The following SHANK2 variants were observed in gnomAD, a reference collection of about 807,000 sequenced individuals.
SHANK2 encodes SH3 and multiple ankyrin repeat domains 2.
SHANK2 carries 43 observed loss-of-function variants against 133.7 expected under a neutral mutation model. The ratio of observed to expected loss-of-function variants is 0.32; its 90% CI spans 0.25 to 0.41. SHANK2 has a LOEUF of 0.41. SHANK2 is among the 10% of genes least tolerant of loss of function. The pLI is 1.00. For synonymous variants in SHANK2, 1,017 were observed against 952.8 expected (o/e 1.07, Z -1.24); for missense variants, 1,994 against 2,235.8 (o/e 0.89, Z 2.18).
intron 3 of SHANK2, among the ~76,000 whole-genome samples, chr11:71,121,798 A>G (rs1555101524): frequency 6.6e-6 from 1 of 152,240 alleles, no homozygotes; most frequent in Non-Finnish European, 1.5e-5. Flanking sequence ...CAAATTTATA[A>G]GAAAAAATCA....
At chr11:71,132,247 C>G (rs1952326383) in intron 3 of SHANK2, among the ~76,000 whole-genome samples, 3 of 152,108 alleles carry the variant, frequency 2.0e-5, no homozygotes, top group Non-Finnish European at 4.4e-5. Flanking sequence ...AACCTCAGAG[C>G]AAAGATGCTG....
chr11:70,859,152 G>C (rs1369883891), intron 11 of SHANK2, among the ~76,000 whole-genome samples: 1 of 152,188 alleles, frequency 6.6e-6, no homozygotes, highest in Non-Finnish European at 1.5e-5. Context: ...TGGATGGACA[G>C]AATGAATGTA....
intron 2 of SHANK2, among the ~76,000 whole-genome samples, chr11:71,193,742 C>G (rs1953841299): frequency 6.6e-6 from 1 of 152,182 alleles, no homozygotes; most frequent in African/African-American, 2.4e-5. Context: ...TCCCACGCCC[C>G]CGGAGGCCAG....
chr11:70,765,139 C>T (rs575306392), intron 14 of SHANK2, among the ~76,000 whole-genome samples: 2 of 152,292 alleles, frequency 1.3e-5, no homozygotes, highest in East Asian at 3.9e-4. Flanking sequence ...GCCTTCCATC[C>T]ATTTCCTGTT....
intron 14 of SHANK2, among the ~76,000 whole-genome samples, chr11:70,770,219 G>A (rs1555042410): frequency 1.3e-5 from 2 of 152,182 alleles, no homozygotes; most frequent in South Asian, 2.1e-4. Context: ...CTTGGAGCTC[G>A]GCTGTGTCTC....
chr11:70,526,970 G>A (rs1368097249), intron 17 of SHANK2, among the ~76,000 whole-genome samples: 1 of 150,220 alleles, frequency 6.7e-6, no homozygotes, highest in African/African-American at 2.4e-5. Flanking sequence ...CAACCGCCCC[G>A]CCCAGGTCAC....
At chr11:70,931,790 G>C (rs1950507792) in intron 10 of SHANK2, among the ~76,000 whole-genome samples, 1 of 152,254 alleles carries the variant, frequency 6.6e-6, no homozygotes, top group Non-Finnish European at 1.5e-5. Context: ...GAAAGCCACT[G>C]CCTGCTGCTG....
At chr11:70,796,288 C>T (rs1450786355) in intron 14 of SHANK2, among the ~76,000 whole-genome samples, 2 of 152,174 alleles carry the variant, frequency 1.3e-5, no homozygotes, top group African/African-American at 4.8e-5. Context: ...TGCACACTAT[C>T]CTGGAAGCCG....
chr11:70,589,361 A>AT (rs149838552), intron 17 of SHANK2, among the ~76,000 whole-genome samples: 2,132 of 152,338 alleles, frequency 0.014, 45 homozygotes, highest in African/African-American at 0.049. Context: ...GGATGACAGC[A>AT]TATCTGTTTA....
At chr11:70,922,104 G>A (rs922893056) in intron 10 of SHANK2, among the ~76,000 whole-genome samples, 15 of 152,188 alleles carry the variant, frequency 9.9e-5, no homozygotes, top group Admixed American at 1.3e-4. Flanking sequence ...GGAATCAATC[G>A]TAAACTCTAG....
intron 12 of SHANK2, among the ~76,000 whole-genome samples, chr11:70,817,654 C>T (rs533275089): frequency 1.1e-4 from 17 of 152,176 alleles, no homozygotes; most frequent in Non-Finnish European, 2.1e-4. Context: ...ATGTGGAATG[C>T]GCACTGGCTG....
At chr11:70,575,604 C>T (rs1554984082) in intron 17 of SHANK2, among the ~76,000 whole-genome samples, 1 of 151,046 alleles carries the variant, frequency 6.6e-6, no homozygotes, top group Non-Finnish European at 1.5e-5. Flanking sequence ...AGACACCAGG[C>T]TTTTCTTTAT....
intron 11 of SHANK2, among the ~76,000 whole-genome samples, chr11:70,825,357 T>C (rs1948621536): frequency 6.6e-6 from 1 of 152,056 alleles, no homozygotes; most frequent in South Asian, 2.1e-4. Context: ...TGTCAGAAAA[T>C]GGGCACAGAC....
intron 17 of SHANK2, among the ~76,000 whole-genome samples, chr11:70,563,271 T>G (rs1554981222): frequency 6.6e-6 from 1 of 152,206 alleles, no homozygotes. Flanking sequence ...TTTATATTTA[T>G]AGTAGACACC....
In SHANK2 at chr11:71,210,210, G is replaced by GTGTATATA. The variant is rs1491563939; in HGVS notation, c.-13+14486_-13+14487insTATATACA. ...GGTCCTCTTCATTGGAAATCCACAG[G>GTGTATATA]TATATATATATATATATATATATAT... On this transcript the variant is annotated intron_variant, in intron 2 of 25. Coordinates refer to ENST00000601538, the MANE Select transcript of SHANK2 (RefSeq NM_012309.5). 1.5e-3 allele frequency among the ~76,000 whole-genome samples: 79 copies of GTGTATATA among 54,062 alleles called. 3 individuals are homozygous for GTGTATATA. The East Asian group carries it at 0.017, about 12-fold the overall frequency. 35.5% of individuals were successfully genotyped at this position (54,062 alleles called of 152,430 possible).
chr11:70,592,870 C>A (rs542587801), intron 17 of SHANK2, among the ~76,000 whole-genome samples: 2 of 152,360 alleles, frequency 1.3e-5, no homozygotes, highest in East Asian at 3.9e-4. Context: ...CAGACATCCC[C>A]ACCTCGCCTG....
intron 3 of SHANK2, among the ~76,000 whole-genome samples, chr11:71,132,254 G>C (rs1952326577): frequency 6.6e-6 from 1 of 152,130 alleles, no homozygotes; most frequent in South Asian, 2.1e-4. Flanking sequence ...GAGCAAAGAT[G>C]CTGGAAAAAA....
At chr11:71,108,273 G>A (rs77610191) in intron 6 of SHANK2, among the ~76,000 whole-genome samples, 2,022 of 152,302 alleles carry the variant, frequency 0.013, 15 homozygotes, top group East Asian at 0.046. Flanking sequence ...ACGCATCCAC[G>A]TCAGGGAAAG....
At chr11:70,813,107 T>C (rs890445812) in intron 12 of SHANK2, among the ~76,000 whole-genome samples, 13 of 151,864 alleles carry the variant, frequency 8.6e-5, no homozygotes, top group African/African-American at 2.9e-4. Context: ...CCGTGAATGG[T>C]AGACACGGAT....
Sources: gnomAD v4.1 joint callset for allele counts (sites outside exome capture counted in the v4.1 genomes callset) on GRCh38, gnomAD v4.1.1 for gene constraint, MANE v1.5 for transcripts, NCBI Gene and HGNC (gene_info 2026-07-23, HGNC 2026-07-21) for gene names.